Variants in ADAMTSL1 observed in about 807,000 individuals in gnomAD.
The protein encoded by ADAMTSL1 is ADAMTS-like protein 1.
ADAMTSL1 carries 126 observed loss-of-function variants against 201.8 expected under a neutral mutation model. The observed-to-expected ratio is 0.62, with a 90% CI of 0.54 to 0.72. The LOEUF (loss-of-function observed/expected upper bound fraction) is 0.72. Ranked by LOEUF, ADAMTSL1 falls within the 30% of genes least tolerant of loss-of-function variation. The pLI is 0.00. For missense variants in ADAMTSL1, 2,679 were observed against 2,277.8 expected, an observed-to-expected ratio of 1.18 and a Z score of -3.59; for synonymous variants, 1,121 against 903.4, an observed-to-expected ratio of 1.24 and a Z score of -4.32.
intron 3 of ADAMTSL1, among the ~76,000 whole-genome samples, chr9:18,540,911 C>G (rs1247227414): frequency 6.6e-6 from 1 of 152,186 alleles, no homozygotes; most frequent in Non-Finnish European, 1.5e-5. Flanking sequence ...AACCTGGCTG[C>G]TGCTTCACCC....
At chr9:18,416,009 G>T (rs1335989744) in intron 2 of ADAMTSL1, among the ~76,000 whole-genome samples, 40 of 151,928 alleles carry the variant, frequency 2.6e-4, no homozygotes, top group Admixed American at 2.6e-3. Context: ...AAAGCTAAAA[G>T]AATTCATTAC....
chr9:18,130,429 G>A (rs920056606), intron 1 of ADAMTSL1, among the ~76,000 whole-genome samples: 1 of 152,124 alleles, frequency 6.6e-6, no homozygotes, highest in African/African-American at 2.4e-5. Flanking sequence ...TTAACTGGCT[G>A]TCACAATGAC....
intron 2 of ADAMTSL1, among the ~76,000 whole-genome samples, chr9:18,463,293 A>T (rs948689719): frequency 2.6e-5 from 4 of 152,038 alleles, no homozygotes; most frequent in African/African-American, 7.3e-5. Flanking sequence ...CATACAGGGG[A>T]ATTTCATTGA....
At chr9:18,523,652 C>G (rs1359017159) in intron 2 of ADAMTSL1, among the ~76,000 whole-genome samples, 2 of 149,184 alleles carry the variant, frequency 1.3e-5, no homozygotes, top group Admixed American at 1.4e-4. Context: ...TTTCAGCTTT[C>G]TACATATGGC....
At chr9:18,900,954 A>G (rs955935654) in intron 26 of ADAMTSL1, among the ~76,000 whole-genome samples, 4 of 152,150 alleles carry the variant, frequency 2.6e-5, no homozygotes, top group Admixed American at 6.5e-5. Context: ...TTGGTAATGT[A>G]AAAATATAAG....
intron 2 of ADAMTSL1, among the ~76,000 whole-genome samples, chr9:18,457,731 C>T (rs544424218): frequency 6.4e-4 from 97 of 152,202 alleles, no homozygotes; most frequent in African/African-American, 1.4e-3. Flanking sequence ...GACAGAAATG[C>T]GGTATGCTGA....
At chr9:18,214,826 G>C (rs1206907732) in intron 2 of ADAMTSL1, among the ~76,000 whole-genome samples, 1 of 152,108 alleles carries the variant, frequency 6.6e-6, no homozygotes, top group African/African-American at 2.4e-5. Flanking sequence ...CCACACAAAA[G>C]CTTTCCAATA....
intron 2 of ADAMTSL1, among the ~76,000 whole-genome samples, chr9:18,210,713 C>T (rs1040758663): frequency 5.3e-5 from 8 of 151,488 alleles, no homozygotes; most frequent in South Asian, 2.1e-4. Flanking sequence ...TCAAAGGCAA[C>T]GAACAGCTCT....
intron 23 of ADAMTSL1, among the ~76,000 whole-genome samples, chr9:18,845,249 C>G (rs894395655): frequency 6.6e-6 from 1 of 151,990 alleles, no homozygotes; most frequent in African/African-American, 2.4e-5. Flanking sequence ...GAACTCCTCA[C>G]AAATCTCCAT....
intron 2 of ADAMTSL1, among the ~76,000 whole-genome samples, chr9:18,311,160 C>G (rs984887336): frequency 1.3e-5 from 2 of 151,668 alleles, no homozygotes; most frequent in East Asian, 3.9e-4. Flanking sequence ...ACTATGAGAA[C>G]AGATGGACAC....
chr9:18,145,547 C>T (rs10963476), intron 1 of ADAMTSL1, among the ~76,000 whole-genome samples: 26,637 of 152,068 alleles, frequency 0.18, 2,585 homozygotes, highest in South Asian at 0.24. Context: ...ATTGGATATT[C>T]GAAACATGCA....
intron 2 of ADAMTSL1, among the ~76,000 whole-genome samples, chr9:18,415,249 C>A (rs1445294724): frequency 2.0e-5 from 3 of 152,078 alleles, no homozygotes; most frequent in African/African-American, 7.2e-5. Context: ...CACAACCACC[C>A]CAGAATTGTC....
At chr9:18,522,323 A>C (rs1818748042) in intron 2 of ADAMTSL1, among the ~76,000 whole-genome samples, 1 of 152,204 alleles carries the variant, frequency 6.6e-6, no homozygotes, top group Admixed American at 6.5e-5. Flanking sequence ...TAATAATAAC[A>C]ATGTATCTGC....
chr9:18,784,947 C>A (rs1031334258), intron 19 of ADAMTSL1, among the ~76,000 whole-genome samples: 4 of 152,260 alleles, frequency 2.6e-5, no homozygotes, highest in Middle Eastern at 6.8e-3. Flanking sequence ...GGGCAGATCA[C>A]GAGGTCAAGA....
At chr9:18,294,517 G>A (rs979446102) in intron 2 of ADAMTSL1, among the ~76,000 whole-genome samples, 6 of 152,192 alleles carry the variant, frequency 3.9e-5, no homozygotes, top group African/African-American at 1.4e-4. Flanking sequence ...CTGTCCAGGT[G>A]GGTTGCCTTT....
At chr9:18,374,829 C>T (rs1837212230) in intron 2 of ADAMTSL1, among the ~76,000 whole-genome samples, 1 of 152,222 alleles carries the variant, frequency 6.6e-6, no homozygotes, top group Admixed American at 6.5e-5. Context: ...AGTCACCTAT[C>T]AACCACCCCT....
intron 4 of ADAMTSL1, among the ~76,000 whole-genome samples, chr9:18,577,277 G>A (rs7388806): frequency 0.19 from 28,724 of 152,030 alleles, 2,871 homozygotes; most frequent in Admixed American, 0.26. Flanking sequence ...CTCGAGGTCC[G>A]GAGTTTGAGA....
rs750296540 is a variant in ADAMTSL1, at chr9:18,626,805, TTTTC to T, written c.601+4459_601+4462del. On this transcript the variant is annotated intron_variant, in intron 5 of 28. Coordinates refer to ENST00000380548, the MANE Select transcript of ADAMTSL1 (RefSeq NM_001040272.6). ...CATAGATATACTGCACCTGTATTTA[TTTTC>T]TTTCTTTCTTTCTTTCTTTCTTACT... Among the ~76,000 whole-genome samples, 385 of 141,792 alleles carry T rather than the reference TTTTC, an allele frequency of 2.7e-3. 1 individual carries two copies. The highest frequency in any genetic ancestry group is 0.014 in the East Asian group (70 of 4,994). 93.0% of individuals were successfully genotyped at this position (141,792 alleles called of 152,430 possible). A position where few individuals can be genotyped will look rare whatever the true frequency, so the allele number is the denominator to read the frequency against.
intron 2 of ADAMTSL1, among the ~76,000 whole-genome samples, chr9:18,523,239 CT>C (rs1301616127): frequency 6.6e-6 from 1 of 152,168 alleles, no homozygotes; most frequent in Non-Finnish European, 1.5e-5. Flanking sequence ...TAAATGTCTT[CT>C]TTTGAGAAGT....
Sources: allele counts gnomAD v4.1 joint callset (sites outside exome capture counted in the v4.1 genomes callset), GRCh38; gene constraint gnomAD v4.1.1; transcripts MANE v1.5; gene names NCBI Gene and HGNC (gene_info 2026-07-23, HGNC 2026-07-21).